Variants in MAP7 observed in about 807,000 individuals in gnomAD.
MAP7 encodes microtubule associated protein 7, also known as ensconsin.
Under a neutral mutation model 94.8 loss-of-function variants are expected in MAP7, and 52 were observed. That is an observed-to-expected ratio of 0.55 (90% CI 0.44 to 0.69). The LOEUF (loss-of-function observed/expected upper bound fraction) is 0.69. MAP7 is among the 30% of genes least tolerant of loss of function. The pLI, the probability that MAP7 is intolerant of heterozygous loss-of-function variation, is 0.00. For missense variants in MAP7, 940 were observed against 964.6 expected, an observed-to-expected ratio of 0.97 and a Z score of 0.34; for synonymous variants, 350 against 357.0, an observed-to-expected ratio of 0.98 and a Z score of 0.22.
intron 1 of MAP7, among the ~76,000 whole-genome samples, chr6:136,522,583 A>T (rs1377256213): frequency 6.6e-6 from 1 of 152,240 alleles, no homozygotes; most frequent in Non-Finnish European, 1.5e-5. Flanking sequence ...TGGTAGAAAA[A>T]AGACACTAAG....
chr6:136,449,439 G>A (rs9494518), intron 1 of MAP7, among the ~76,000 whole-genome samples: 3,052 of 152,374 alleles, frequency 0.02, 93 homozygotes, highest in African/African-American at 0.069. Flanking sequence ...ACTCCGTGCT[G>A]CCATATGGTT....
intron 1 of MAP7, among the ~76,000 whole-genome samples, chr6:136,488,724 T>C (rs187102466): frequency 1.4e-4 from 22 of 152,226 alleles, no homozygotes; most frequent in South Asian, 2.1e-4. Context: ...ATTACAGGCA[T>C]GAGCCACCAT....
At chr6:136,421,520 C>T (rs146947154) in intron 2 of MAP7, among the ~76,000 whole-genome samples, 181 bp downstream of exon 2, 5 of 152,318 alleles carry the variant, frequency 3.3e-5, no homozygotes, top group South Asian at 2.1e-4. Context: ...GGTTCTCTGA[C>T]TTAATATCAT....
At chr6:136,446,247 A>G in intron 1 of MAP7, among the ~76,000 whole-genome samples, 1 of 151,782 alleles carries the variant, frequency 6.6e-6, no homozygotes, top group East Asian at 1.9e-4. Flanking sequence ...TGGATAGGGC[A>G]CAGATCATCA....
At position 136,343,339 on chromosome 6, in the gene MAP7, TC is replaced by T. The variant is rs1220463862; in HGVS notation, c.*888del. On this transcript the variant is annotated 3_prime_UTR_variant, in exon 18 of 18. Coordinates refer to ENST00000354570, the MANE Select transcript of MAP7 (RefSeq NM_003980.6). ...TTAAAGAAATATTAAATCTTTATTT[TC>T]CCCAACATAATTTGTGATCAGGTAA... is the stretch of plus-strand genomic sequence containing the variant. 1.3e-5 allele frequency: 2 copies of T among 152,638 alleles called. No homozygotes were observed. Among genetic ancestry groups the T allele is most frequent in the African/African-American group, 4.8e-5 (2 of 41,454 alleles). The allele number at this position is 152,638 out of a possible 1,614,324, so 9.5% of individuals were successfully genotyped here. A position where few individuals can be genotyped will look rare whatever the true frequency, so the allele number is the denominator to read the frequency against.
intron 1 of MAP7, among the ~76,000 whole-genome samples, chr6:136,477,255 C>T (rs1438078993): frequency 6.6e-6 from 1 of 152,156 alleles, no homozygotes; most frequent in Non-Finnish European, 1.5e-5. Flanking sequence ...AAATATATTA[C>T]CTCAGTCTAA....
intron 1 of MAP7, among the ~76,000 whole-genome samples, chr6:136,426,444 T>C (rs1047494856): frequency 6.6e-6 from 1 of 152,152 alleles, no homozygotes; most frequent in African/African-American, 2.4e-5. Flanking sequence ...ATACATGAAA[T>C]TGCAACAATA....
In MAP7 at chr6:136,502,123, T is replaced by C. The variant is rs1241625237; in HGVS notation, c.67+48219A>G. ...GTCCAATTTTGACTTTAAAATTAAATACACCAGGGCTTGTCAAGGAATCTA... is the reference window on the plus strand; with the variant it reads ...GTCCAATTTTGACTTTAAAATTAAACACACCAGGGCTTGTCAAGGAATCTA... On this transcript the variant is annotated intron_variant, in intron 1 of 17. Transcript: ENST00000354570. Among the ~76,000 whole-genome samples, 4 of 152,226 alleles carry C rather than the reference T, an allele frequency of 2.6e-5. No homozygotes were observed. The East Asian group carries it at 7.7e-4, about 29-fold the overall frequency.
At chr6:136,353,707 C>A (rs552086563) in intron 16 of MAP7, among the ~76,000 whole-genome samples, 1 of 152,228 alleles carries the variant, frequency 6.6e-6, no homozygotes, top group Admixed American at 6.5e-5. Flanking sequence ...TTGTGTGCCA[C>A]CATGCCTGGC....
chr6:136,397,572 C>T (rs1394419353), intron 3 of MAP7, among the ~76,000 whole-genome samples: 1 of 148,292 alleles, frequency 6.7e-6, no homozygotes, highest in African/African-American at 2.5e-5. Context: ...AAAATAGGAC[C>T]TTTAGGAGGT....
chr6:136,433,276 T>C (rs1795473838), intron 1 of MAP7, among the ~76,000 whole-genome samples: 1 of 152,260 alleles, frequency 6.6e-6, no homozygotes. Context: ...AATTTCATCA[T>C]TTTCAATATG....
intron 6 of MAP7, among the ~76,000 whole-genome samples, chr6:136,381,477 G>A (rs1371355124): frequency 1.3e-5 from 2 of 152,090 alleles, no homozygotes; most frequent in African/African-American, 4.8e-5. Context: ...ACTGTGCCTG[G>A]CCTTAAATTT....
At chr6:136,499,641 G>A (rs954822640) in intron 1 of MAP7, among the ~76,000 whole-genome samples, 6 of 152,042 alleles carry the variant, frequency 3.9e-5, no homozygotes, top group Non-Finnish European at 8.8e-5. Flanking sequence ...TTAGGCTTCC[G>A]GGCCACAAGT....
At chr6:136,454,733 C>G (rs1389492072) in intron 1 of MAP7, among the ~76,000 whole-genome samples, 1 of 151,896 alleles carries the variant, frequency 6.6e-6, no homozygotes, top group Non-Finnish European at 1.5e-5. Flanking sequence ...GGCAAGACCC[C>G]ATCTCTTAAA....
intron 1 of MAP7, among the ~76,000 whole-genome samples, chr6:136,541,398 A>G (rs560429014): frequency 6.6e-6 from 1 of 152,324 alleles, no homozygotes; most frequent in East Asian, 1.9e-4. Context: ...ATAGTGAAGG[A>G]TAGTTCTCTT....
chr6:136,507,896 C>T (rs557047344), intron 1 of MAP7, among the ~76,000 whole-genome samples: 21 of 152,268 alleles, frequency 1.4e-4, no homozygotes, highest in African/African-American at 2.2e-4. Context: ...ACTCCTACAC[C>T]GTATGGCCTC....
intron 10 of MAP7, chr6:136,364,490 A>C (rs1793736545): frequency 4.0e-6 from 1 of 251,976 alleles, no homozygotes; most frequent in Non-Finnish European, 7.7e-6. Context: ...TTCAATAAAA[A>C]GCTGAACTCT....
At chr6:136,499,236 T>A (rs1320291838) in intron 1 of MAP7, among the ~76,000 whole-genome samples, 1 of 152,110 alleles carries the variant, frequency 6.6e-6, no homozygotes, top group Non-Finnish European at 1.5e-5. Flanking sequence ...TTCTTAGCTC[T>A]GGCCTCCTCT....
rs1786932844 is a variant in MAP7 at position 136,343,404 on chromosome 6, C to CA, written c.*823dup. 6.6e-6 allele frequency: 1 copy of CA among 152,662 alleles called. No homozygotes were observed. Among genetic ancestry groups the CA allele is most frequent in the Admixed American group, 6.5e-5 (1 of 15,286 alleles). 9.5% of individuals were successfully genotyped at this position (152,662 alleles called of 1,614,324 possible). ...CCACCATCACTGGGGACAGCAGCAACATACAGACTTCAGAAATAGCCCTGA... is the reference window on the plus strand; with the variant it reads ...CCACCATCACTGGGGACAGCAGCAACAATACAGACTTCAGAAATAGCCCTGA... On this transcript the variant is annotated 3_prime_UTR_variant, in exon 18 of 18. Transcript: ENST00000354570.
Sources: gnomAD v4.1 joint callset for allele counts (sites outside exome capture counted in the v4.1 genomes callset) on GRCh38, gnomAD v4.1.1 for gene constraint, MANE v1.5 for transcripts, NCBI Gene and HGNC (gene_info 2026-07-23, HGNC 2026-07-21) for gene names.